ANKRD28: variants seen among roughly 807,000 people sequenced by gnomAD.
The protein encoded by ANKRD28 is serine/threonine-protein phosphatase 6 regulatory ankyrin repeat subunit A.
A neutral mutation model predicts 126.5 loss-of-function variants in ANKRD28; 44 were observed. The ratio of observed to expected loss-of-function variants is 0.35; its 90% CI spans 0.27 to 0.45. The LOEUF (loss-of-function observed/expected upper bound fraction) is 0.45. ANKRD28 is among the 20% of genes least tolerant of loss of function. The pLI, the probability that ANKRD28 is intolerant of heterozygous loss-of-function variation, is 1.00. For synonymous variants in ANKRD28, 442 were observed against 468.5 expected (o/e 0.94, Z 0.73); for missense variants, 1,110 against 1,316.6 (o/e 0.84, Z 2.43).
chr3:15,826,734 C>CT (rs1287648796), intron 1 of ANKRD28, among the ~76,000 whole-genome samples: 1 of 152,054 alleles, frequency 6.6e-6, no homozygotes, highest in East Asian at 1.9e-4. Context: ...ACTGATTGGT[C>CT]TGAGTGTAGA....
chr3:15,711,144 A>T, intron 12 of ANKRD28, 67 bp downstream of exon 12: 1 of 1,330,248 alleles, frequency 7.5e-7, no homozygotes, highest in Non-Finnish European at 1.1e-6. Context: ...AAAAAGAACA[A>T]AGATAAGAGA....
At chr3:15,763,466 T>G (rs1162845052) in intron 3 of ANKRD28, among the ~76,000 whole-genome samples, 2 of 152,006 alleles carry the variant, frequency 1.3e-5, no homozygotes, top group African/African-American at 4.8e-5. Flanking sequence ...CTTCTTGGAG[T>G]TTACATTCTG....
Position 15,707,948 on chromosome 3 carries a change from G to T in ANKRD28, c.1523C>A (p.Ala508Glu). 6.2e-7 allele frequency: 1 copy of T among 1,613,256 alleles called. No homozygotes were observed. The highest frequency in any genetic ancestry group is 8.5e-7 in the Non-Finnish European group (1 of 1,179,520). Residue 508 changes from alanine (A) to glutamate (E), a missense_variant, in exon 14 of 28, where the codon GCA (alanine) becomes GAA (glutamate). Ala to Glu is a moderately radical substitution (Grantham distance 107). Transcript: ENST00000683139. ...CTTGCCATCTGTGTCTGATGTAGCT[G>T]CATAGTGCAGGGGTGTGCAGCCTCT... is the stretch of plus-strand genomic sequence containing the variant. ...DERGCTPLHY[A>E]ATSDTDGKCL... is the part of the protein sequence containing the mutation.
intron 14 of ANKRD28, among the ~76,000 whole-genome samples, chr3:15,701,868 A>G (rs2070681745): frequency 6.6e-6 from 1 of 152,148 alleles, no homozygotes; most frequent in Non-Finnish European, 1.5e-5. Flanking sequence ...GACAGTGCTC[A>G]CTGGGATGCA....
Position 15,735,503 on chromosome 3 carries a change from A to G in ANKRD28, c.553-6T>C. 1 of 1,544,806 alleles carries G rather than the reference A, an allele frequency of 6.5e-7. No homozygotes were observed. Among genetic ancestry groups the G allele is most frequent in the Non-Finnish European group, 8.8e-7 (1 of 1,141,646 alleles). Reference sequence around the variant, plus strand: ...GACAAGAGTAGTTTGACCATCTGGAATAGAAGTAAACACAGTGTCATCAAA... The same window carrying G: ...GACAAGAGTAGTTTGACCATCTGGAGTAGAAGTAAACACAGTGTCATCAAA... On this transcript the variant is annotated splice_region_variant and splice_polypyrimidine_tract_variant and intron_variant, in intron 5 of 27. Coordinates refer to ENST00000683139, the MANE Select transcript of ANKRD28 (RefSeq NM_001349278.2).
At chr3:15,798,664 C>T (rs905901338), upstream of ANKRD28, among the ~76,000 whole-genome samples, 3 of 152,036 alleles carry the variant, frequency 2.0e-5, no homozygotes, top group Non-Finnish European at 2.9e-5. Context: ...AAATGTCCTT[C>T]GTCCTGAATT....
intron 1 of ANKRD28, among the ~76,000 whole-genome samples, chr3:15,825,254 T>C (rs2061034866): frequency 6.6e-6 from 1 of 152,236 alleles, no homozygotes; most frequent in Admixed American, 6.5e-5. Flanking sequence ...AGTAAATTCA[T>C]GGGCAGACGA....
chr3:15,680,130 TGG>T (rs1232908097), intron 21 of ANKRD28, among the ~76,000 whole-genome samples: 1 of 152,102 alleles, frequency 6.6e-6, no homozygotes, highest in East Asian at 1.9e-4. Context: ...TTAATGGCAA[TGG>T]GATGTTTAAT....
At position 15,830,779 on chromosome 3, in the gene ANKRD28, T is replaced by C. The variant is rs2061171872; in HGVS notation, c.27+28598A>G. Among the ~76,000 whole-genome samples the C allele has an allele frequency of 6.6e-6, 1 of 151,958 alleles. No individual in the cohort carries two copies. Among genetic ancestry groups the C allele is most frequent in the African/African-American group, 2.4e-5 (1 of 41,402 alleles). On this transcript the variant is annotated intron_variant, in intron 1 of 27. Transcript: ENST00000399451. The surrounding 1 kb of genome is among the most constrained non-coding windows in gnomAD (Gnocchi z 4.5). ...TTGTTTACCTGGGGGCTTTGGTCCA[T>C]GACAGATAGTCTAACAATATGATTC...
rs1197786792 is a variant in ANKRD28 at position 15,783,372 on chromosome 3, C to A, written c.201+11851G>T. On this transcript the variant is annotated intron_variant, in intron 2 of 27. Coordinates refer to ENST00000683139, the MANE Select transcript of ANKRD28 (RefSeq NM_001349278.2). The stretch of plus-strand genomic sequence containing the variant: ...TTAAGATTTTAAAAGACTGATTATA[C>A]GAAATATTTGTGAGAATGTTGAAAA... Among the ~76,000 whole-genome samples the A allele has an allele frequency of 2.0e-5, 3 of 151,900 alleles. No homozygotes were observed. In the South Asian group the frequency reaches 6.2e-4, roughly 31 times the overall value.
At chr3:15,737,782 C>A (rs1410027955) in intron 4 of ANKRD28, among the ~76,000 whole-genome samples, 1 of 151,230 alleles carries the variant, frequency 6.6e-6, no homozygotes, top group African/African-American at 2.4e-5. Context: ...GCTCTTTGAA[C>A]AATTTTAAGC....
intron 3 of ANKRD28, among the ~76,000 whole-genome samples, chr3:15,758,942 C>T (rs780610578): frequency 6.6e-6 from 1 of 152,172 alleles, no homozygotes; most frequent in African/African-American, 2.4e-5. Flanking sequence ...TTCCACAATG[C>T]AGTCATTTAA....
Position 15,844,021 on chromosome 3 carries a change from G to A in ANKRD28, c.27+15356C>T, listed in dbSNP as rs557149906. Among the ~76,000 whole-genome samples the A allele has an allele frequency of 1.9e-3, 295 of 152,250 alleles. 1 individual carries two copies. Among genetic ancestry groups the A allele is most frequent in the African/African-American group, 6.5e-3 (269 of 41,538 alleles). On this transcript the variant is annotated intron_variant, in intron 1 of 27. Transcript: ENST00000399451. Reference sequence around the variant, plus strand: ...AGGGTAGGTGATAGTTGAAGAAAAAGGGGATGGGTGTTGTAGAGAACAAAA... The same window carrying A: ...AGGGTAGGTGATAGTTGAAGAAAAAAGGGATGGGTGTTGTAGAGAACAAAA...
chr3:15,764,972 C>T (rs186266214), intron 3 of ANKRD28, among the ~76,000 whole-genome samples: 7 of 151,104 alleles, frequency 4.6e-5, no homozygotes, highest in East Asian at 3.9e-4. Flanking sequence ...GAATTTGTAA[C>T]GGCAAAACTC....
chr3:15,803,925 A>C (rs1288176425), intron 1 of ANKRD28, among the ~76,000 whole-genome samples: 1 of 145,182 alleles, frequency 6.9e-6, no homozygotes, highest in Non-Finnish European at 1.5e-5. Flanking sequence ...GTTAAATCCC[A>C]AAGTTGCCTA....
chr3:15,768,835 T>C (rs2058868591), intron 2 of ANKRD28, among the ~76,000 whole-genome samples: 1 of 152,178 alleles, frequency 6.6e-6, no homozygotes, highest in African/African-American at 2.4e-5. Context: ...CTAAGGGTTC[T>C]TTCTCTCACC....
Position 15,677,651 on chromosome 3 carries a change from G to A in ANKRD28, c.2708-89C>T. ...CACTGTAGAGAAATGAAGATACAAA[G>A]CAAAAAAGTCCCTCTCACAAAAACT... On this transcript the variant is annotated intron_variant, in intron 24 of 27. Coordinates refer to ENST00000683139, the MANE Select transcript of ANKRD28 (RefSeq NM_001349278.2). 8.5e-6 allele frequency: 8 copies of A among 936,160 alleles called. No individual in the cohort carries two copies. In the Admixed American group the frequency reaches 1.1e-4, roughly 12 times the overall value. The allele number at this position is 936,160 out of a possible 1,614,324, so 58.0% of individuals were successfully genotyped here.
chr3:15,770,469 G>A (rs950076311), intron 2 of ANKRD28, among the ~76,000 whole-genome samples: 1 of 151,408 alleles, frequency 6.6e-6, no homozygotes, highest in Non-Finnish European at 1.5e-5. Flanking sequence ...ACTTAAACCA[G>A]TTTAGGCAAA....
At chr3:15,740,929 G>A (rs552910955) in intron 4 of ANKRD28, among the ~76,000 whole-genome samples, 32 of 152,210 alleles carry the variant, frequency 2.1e-4, no homozygotes, top group East Asian at 3.9e-4. Context: ...GGCCTGGTGC[G>A]GTGGCTCACT....
Sources: allele counts gnomAD v4.1 joint callset (sites outside exome capture counted in the v4.1 genomes callset), GRCh38; gene constraint gnomAD v4.1.1; non-coding constraint Gnocchi (gnomAD v3.1); transcripts MANE v1.5; gene names NCBI Gene and HGNC (gene_info 2026-07-23, HGNC 2026-07-21).